The following ELP4 variants were observed in gnomAD, a reference collection of about 807,000 sequenced individuals.
The protein encoded by ELP4 is elongator complex protein 4.
A neutral mutation model predicts 48.9 loss-of-function variants in ELP4; 51 were observed. That is an observed-to-expected ratio of 1.04 (90% CI 0.83 to 1.32). The LOEUF (loss-of-function observed/expected upper bound fraction) is 1.32. Ranked by LOEUF, ELP4 falls within the 40% of genes most tolerant of loss-of-function variation. The probability of loss-of-function intolerance (pLI) is 0.00; values close to 1 mark genes in which losing one functional copy is unlikely to be tolerated. For synonymous variants in ELP4, 210 were observed against 189.2 expected, an observed-to-expected ratio of 1.11 and a Z score of -0.90; for missense variants, 519 against 514.6, an observed-to-expected ratio of 1.01 and a Z score of -0.08.
chr11:31,756,009 GATTTT>G (rs1350992391), intron 9 of ELP4, among the ~76,000 whole-genome samples: 4 of 152,172 alleles, frequency 2.6e-5, no homozygotes, highest in African/African-American at 4.8e-5. Context: ...TCCGGGATAA[GATTTT>G]ATTTTGAAGG....
chr11:31,661,227 A>T (rs1320384669), intron 9 of ELP4, among the ~76,000 whole-genome samples: 1 of 152,078 alleles, frequency 6.6e-6, no homozygotes, highest in East Asian at 1.9e-4. Flanking sequence ...AGGATTAACA[A>T]AAGTAATTTA....
chr11:31,745,416 A>G (rs1426336417), intron 9 of ELP4, among the ~76,000 whole-genome samples: 1 of 152,228 alleles, frequency 6.6e-6, no homozygotes, highest in Non-Finnish European at 1.5e-5. Context: ...GAACCAAAAA[A>G]GAGCCCACTT....
intron 3 of ELP4, among the ~76,000 whole-genome samples, chr11:31,585,653 A>G (rs71489813): frequency 6.6e-6 from 1 of 152,224 alleles, no homozygotes; most frequent in Non-Finnish European, 1.5e-5. Context: ...AAATAAAATC[A>G]CAAAGATAAA....
intron 9 of ELP4, among the ~76,000 whole-genome samples, chr11:31,673,863 T>G (rs1297195153): frequency 2.0e-5 from 3 of 152,224 alleles, no homozygotes; most frequent in Admixed American, 6.5e-5. Flanking sequence ...ATTTTTTTGA[T>G]ATCTAATGAA....
At chr11:31,583,067 G>A (rs1222498820) in intron 3 of ELP4, among the ~76,000 whole-genome samples, 2 of 152,156 alleles carry the variant, frequency 1.3e-5, no homozygotes, top group Non-Finnish European at 2.9e-5. Context: ...GTTAGTTGGT[G>A]GAGGTAGGGG....
At position 31,786,048 on chromosome 11, in the gene ELP4, G is replaced by A. The variant is rs1336419225; in HGVS notation, c.*2524G>A. On this transcript the variant is annotated 3_prime_UTR_variant, in exon 10 of 10. Coordinates refer to ENST00000640961, the MANE Select transcript of ELP4 (RefSeq NM_019040.5). ...TTTGACTACTGCAGTTTGCTCAGGT[G>A]CTCGGGTTCTAAGACTTTTTGAATT... is the stretch of plus-strand genomic sequence containing the variant. 4 of 204,852 alleles carry A rather than the reference G, an allele frequency of 2.0e-5. No homozygotes were observed. The highest frequency in any genetic ancestry group is 9.1e-5 in the African/African-American group (4 of 43,848). The allele number at this position is 204,852 out of a possible 1,614,324, so 12.7% of individuals were successfully genotyped here. A position where few individuals can be genotyped will look rare whatever the true frequency, so the allele number is the denominator to read the frequency against.
chr11:31,768,145 A>G (rs997445796), intron 9 of ELP4, among the ~76,000 whole-genome samples: 1 of 152,178 alleles, frequency 6.6e-6, no homozygotes, highest in African/African-American at 2.4e-5. Flanking sequence ...AAATTTTACC[A>G]AAGCTATTAA....
At chr11:31,695,110 A>C (rs1297382753) in intron 9 of ELP4, among the ~76,000 whole-genome samples, 2 of 152,180 alleles carry the variant, frequency 1.3e-5, no homozygotes, top group Non-Finnish European at 2.9e-5. Context: ...AAACAGGGAC[A>C]ATTGGACTTC....
At chr11:31,513,879 C>A (rs1956056519) in intron 1 of ELP4, among the ~76,000 whole-genome samples, 1 of 152,092 alleles carries the variant, frequency 6.6e-6, no homozygotes, top group African/African-American at 2.4e-5. Flanking sequence ...TATTAAATAT[C>A]TTTTCTGGTT....
chr11:31,616,293 C>G (rs549705328), intron 5 of ELP4, among the ~76,000 whole-genome samples: 4 of 151,934 alleles, frequency 2.6e-5, no homozygotes, highest in Non-Finnish European at 5.9e-5. Context: ...TATATATGGT[C>G]AAATAATCTT....
intron 9 of ELP4, among the ~76,000 whole-genome samples, chr11:31,765,963 A>T (rs1948031479): frequency 6.6e-6 from 1 of 152,112 alleles, no homozygotes; most frequent in South Asian, 2.1e-4. Flanking sequence ...TTTTACAAAA[A>T]GTTAATATTC....
At chr11:31,662,704 C>T (rs920036189) in intron 9 of ELP4, 4 of 395,456 alleles carry the variant, frequency 1.0e-5, no homozygotes, top group East Asian at 3.6e-5. Context: ...TAAAATTAAG[C>T]TTTATTTGAA....
At chr11:31,684,557 A>G (rs186824878) in intron 9 of ELP4, among the ~76,000 whole-genome samples, 36 of 152,316 alleles carry the variant, frequency 2.4e-4, no homozygotes, top group African/African-American at 8.2e-4. Context: ...CCCTATGTCA[A>G]CATTTGTGGT....
At chr11:31,706,610 ATATT>A (rs1946640410) in intron 9 of ELP4, among the ~76,000 whole-genome samples, 1 of 148,070 alleles carries the variant, frequency 6.8e-6, no homozygotes, top group Non-Finnish European at 1.5e-5. Flanking sequence ...TTAATTTTAT[ATATT>A]TATATATTTA....
chr11:31,522,767 C>T (rs1956236132), intron 2 of ELP4, among the ~76,000 whole-genome samples: 1 of 152,092 alleles, frequency 6.6e-6, no homozygotes, highest in Non-Finnish European at 1.5e-5. Context: ...TATCAGTTCA[C>T]CCTAATCTCA....
Position 31,759,651 on chromosome 11 carries a change from T to G in ELP4, c.1144-23742T>G, listed in dbSNP as rs569369802. ...TTTTCACACACTAATAGCATTGTTT[T>G]TCATGTAATATGCCCTACCTCGTTT... On this transcript the variant is annotated intron_variant, in intron 9 of 9. Coordinates refer to ENST00000640961, the MANE Select transcript of ELP4 (RefSeq NM_019040.5). Among the ~76,000 whole-genome samples, 6 of 152,322 alleles carry G rather than the reference T, an allele frequency of 3.9e-5. No individual in the cohort carries two copies. The South Asian group carries it at 1.2e-3, about 32-fold the overall frequency.
chr11:31,694,679 G>GT (rs1946361395), intron 9 of ELP4, among the ~76,000 whole-genome samples: 1 of 152,060 alleles, frequency 6.6e-6, no homozygotes, highest in Non-Finnish European at 1.5e-5. Context: ...CTTTAAAGTA[G>GT]TTTTTCTAAT....
intron 3 of ELP4, among the ~76,000 whole-genome samples, chr11:31,570,523 A>G (rs1000792456): frequency 2.8e-5 from 4 of 141,510 alleles, no homozygotes; most frequent in African/African-American, 1.1e-4. Flanking sequence ...GCTTGAGTGC[A>G]GTGTTGCGAT....
At chr11:31,535,741 T>C (rs1956489796) in intron 2 of ELP4, among the ~76,000 whole-genome samples, 1 of 152,214 alleles carries the variant, frequency 6.6e-6, no homozygotes, top group African/African-American at 2.4e-5. Flanking sequence ...ATAAAGTGTT[T>C]CCTGGTGCTC....
Sources: allele counts gnomAD v4.1 joint callset (sites outside exome capture counted in the v4.1 genomes callset), GRCh38; gene constraint gnomAD v4.1.1; transcripts MANE v1.5; gene names NCBI Gene and HGNC (gene_info 2026-07-23, HGNC 2026-07-21).